Variants in ANGPTL7 observed in about 807,000 individuals in gnomAD.
The protein encoded by ANGPTL7 is angiopoietin like 7, also known as angiopoietin-related protein 7.
Under a neutral mutation model 38.8 loss-of-function variants are expected in ANGPTL7, and 37 were observed. That is an observed-to-expected ratio of 0.95 (90% confidence interval 0.73 to 1.25). The LOEUF (loss-of-function observed/expected upper bound fraction) is 1.25. Ranked by LOEUF, ANGPTL7 falls within the 50% of genes most tolerant of loss-of-function variation. The pLI is 0.00. For missense variants in ANGPTL7, 427 were observed against 438.6 expected (o/e 0.97, Z 0.24); for synonymous variants, 166 against 163.2 (o/e 1.02, Z -0.13).
At chr1:11,193,070 T>G (rs1557826726) in intron 2 of ANGPTL7, among the ~76,000 whole-genome samples, 1 of 152,016 alleles carries the variant, frequency 6.6e-6, no homozygotes, top group Non-Finnish European at 1.5e-5. Context: ...CCCAAGTTTT[T>G]TGGGAGGTGA....
Position 11,192,347 on chromosome 1 carries a change from T to G in ANGPTL7, c.454T>G (p.Phe152Val), listed in dbSNP as rs138532214. Residue 152 changes from phenylalanine to valine, a missense_variant, in exon 2 of 5, where the codon TTC becomes GTC. Physicochemically the swap from Phe to Val is conservative, Grantham distance 50 (BLOSUM62 -1). Transcript: ENST00000376819. ...AGTGTATAAGCTTCCTCCTGATGAC[T>G]TCCTGGGCAGCCCTGAACTGGAGGT... ...SGVYKLPPDD[F>V]LGSPELEVFC... 1.5e-4 allele frequency: 243 copies of G among 1,613,774 alleles called. No individual in the cohort carries two copies. The highest frequency in any genetic ancestry group is 2.0e-4 in the Non-Finnish European group (237 of 1,179,852).
Position 11,194,836 on chromosome 1 carries a change from G to T in ANGPTL7, c.872-18G>T. 7 of 1,613,436 alleles carry T rather than the reference G, an allele frequency of 4.3e-6. No homozygotes were observed. Among genetic ancestry groups the T allele is most frequent in the Non-Finnish European group, 5.9e-6 (7 of 1,179,658 alleles). On this transcript the variant is annotated intron_variant, in intron 4 of 4. Coordinates refer to ENST00000376819, the MANE Select transcript of ANGPTL7 (RefSeq NM_021146.4). Reference sequence around the variant, plus strand: ...ATCACAGTCAACTTACTAGCACTGGGTCTGTTTCTCATGCCAGGTGGCTAC... The same window carrying T: ...ATCACAGTCAACTTACTAGCACTGGTTCTGTTTCTCATGCCAGGTGGCTAC...
Position 11,194,481 on chromosome 1 carries a change from C to T in ANGPTL7, c.693C>T (p.Arg231=), listed in dbSNP as rs773214289. 13 of 1,614,128 alleles carry T rather than the reference C, an allele frequency of 8.1e-6. No homozygotes were observed. Among genetic ancestry groups the T allele is most frequent in the Non-Finnish European group, 9.3e-6 (11 of 1,180,038 alleles). Residue 231 remains arginine (R), a synonymous_variant, in exon 4 of 5, where the codon CGC becomes CGT. Transcript: ENST00000376819. ...VEMEDWEGNL[R]YAEYSHFVLG... is the part of the protein sequence containing the mutation. The stretch of plus-strand genomic sequence containing the variant: ...GACAGGACTGGGAGGGCAACCTGCG[C>T]TACGCTGAGTATAGCCACTTTGTTT...
At chr1:11,194,331 A>G in intron 3 of ANGPTL7, 130 bp from the exon 4 acceptor site, 1 of 867,256 alleles carries the variant, frequency 1.2e-6, no homozygotes, top group South Asian at 1.6e-5. Flanking sequence ...GTAAACAAGT[A>G]ATAAAGTCTT....
At chr1:11,193,048 C>G (rs779480586) in intron 2 of ANGPTL7, among the ~76,000 whole-genome samples, 1 of 152,142 alleles carries the variant, frequency 6.6e-6, no homozygotes, top group Non-Finnish European at 1.5e-5. Flanking sequence ...CATGGTGGCT[C>G]ACACCTGTAA....
Position 11,194,548 on chromosome 1 carries a change from T to G in ANGPTL7, c.760T>G (p.Tyr254Asp). The G allele has an allele frequency of 1.2e-6, 2 of 1,614,160 alleles. No homozygotes were observed. Among genetic ancestry groups the G allele is most frequent in the Non-Finnish European group, 1.7e-6 (2 of 1,180,034 alleles). Reference protein sequence around the residue: ...LNSYRLFLGNYTGNVGNDALQ... With the variant: ...LNSYRLFLGNDTGNVGNDALQ... Reference sequence around the variant, plus strand: ...CAGCTATCGCCTCTTCCTGGGGAACTACACTGGCAATGTGGGGAACGACGC... The same window carrying G: ...CAGCTATCGCCTCTTCCTGGGGAACGACACTGGCAATGTGGGGAACGACGC... Residue 254 changes from tyrosine to aspartate, a missense_variant, in exon 4 of 5, where the codon TAC becomes GAC. By Grantham distance (160) the Tyr-to-Asp change is radical (BLOSUM62 -3). Coordinates refer to ENST00000376819, the MANE Select transcript of ANGPTL7 (RefSeq NM_021146.4).
intron 2 of ANGPTL7, 82 bp downstream of exon 2, chr1:11,192,452 C>A: frequency 1.6e-6 from 2 of 1,231,106 alleles, no homozygotes; most frequent in Non-Finnish European, 2.4e-6. Context: ...GGGCCATTCA[C>A]AGTTTAAAGA....
chr1:11,193,428 GGGCAGCATCACT>G, intron 2 of ANGPTL7, 140 bp from the exon 3 acceptor site: 1 of 669,834 alleles, frequency 1.5e-6, no homozygotes, highest in Non-Finnish European at 2.4e-6. Context: ...ACCAGCAGTG[GGGCAGCATCACT>G]GCCCGAGTGA....
chr1:11,194,639 A>G lies in ANGPTL7; in HGVS notation c.851A>G (p.Lys284Arg). ...AAGGACAATGACAACTGCTTGGACAAGTGTGCACAGCTCCGCAAAGGTGAG... is the reference window on the plus strand; with the variant it reads ...AAGGACAATGACAACTGCTTGGACAGGTGTGCACAGCTCCGCAAAGGTGAG... ...KDKDNDNCLDKCAQLRKGGYW... is the reference protein window; with the variant it reads ...KDKDNDNCLDRCAQLRKGGYW... Residue 284 changes from lysine to arginine, a missense_variant, in exon 4 of 5, where the codon AAG (lysine) becomes AGG (arginine). Transcript: ENST00000376819. The G allele has an allele frequency of 6.2e-7, 1 of 1,614,228 alleles. No homozygotes were observed. Among genetic ancestry groups the G allele is most frequent in the South Asian group, 1.1e-5 (1 of 91,088 alleles).
rs1050485624 is a variant in ANGPTL7, at chr1:11,189,717, T to C, written c.138T>C (p.Cys46=). Residue 46 remains cysteine (C), a synonymous_variant, in exon 1 of 5, where the codon TGT becomes TGC. Transcript: ENST00000376819. The part of the protein sequence containing the change: ...AQPQLKAANC[C]EEVKELKAQV... ...CACAGCTCAAAGCGGCCAACTGCTG[T>C]GAGGAGGTGAAGGAGCTCAAGGCCC... The C allele has an allele frequency of 6.2e-7, 1 of 1,613,986 alleles. No individual in the cohort carries two copies. Among genetic ancestry groups the C allele is most frequent in the Non-Finnish European group, 8.5e-7 (1 of 1,179,986 alleles).
In ANGPTL7 at chr1:11,189,735, C is replaced by A; in HGVS notation, c.156C>A (p.Leu52=). ...ACTGCTGTGAGGAGGTGAAGGAGCT[C>A]AAGGCCCAAGTTGCCAACCTTAGCA... ...AANCCEEVKE[L]KAQVANLSSL... Residue 52 remains leucine, a synonymous_variant, in exon 1 of 5, where the codon CTC becomes CTA. Coordinates refer to ENST00000376819, the MANE Select transcript of ANGPTL7 (RefSeq NM_021146.4). 1.2e-6 allele frequency: 2 copies of A among 1,614,156 alleles called. No homozygotes were observed. The highest frequency in any genetic ancestry group is 1.7e-6 in the Non-Finnish European group (2 of 1,180,006).
chr1:11,194,187 C>T (rs1312303144), intron 3 of ANGPTL7, among the ~76,000 whole-genome samples: 7 of 152,102 alleles, frequency 4.6e-5, no homozygotes, highest in Non-Finnish European at 8.8e-5. Context: ...TGGGATTCAG[C>T]AAAAACATAG....
intron 2 of ANGPTL7, 79 bp downstream of exon 2, chr1:11,192,449 TCA>T: frequency 1.6e-6 from 2 of 1,255,764 alleles, no homozygotes; most frequent in Non-Finnish European, 2.3e-6. Context: ...ACAGGGCCAT[TCA>T]CAGTTTAAAG....
At chr1:11,194,747 T>G (rs1439969448) in intron 4 of ANGPTL7, 88 bp downstream of exon 4, 19 of 1,599,996 alleles carry the variant, frequency 1.2e-5, no homozygotes, top group Non-Finnish European at 1.3e-5. Context: ...AACTGTACAG[T>G]TGATATTCCG....
intron 4 of ANGPTL7, 35 bp downstream of exon 4, chr1:11,194,694 G>T (rs1329215150): frequency 1.2e-6 from 2 of 1,613,180 alleles, no homozygotes; most frequent in South Asian, 2.2e-5. Context: ...GAGAAGTTCA[G>T]GTACAAGCTC....
At position 11,192,370 on chromosome 1, in the gene ANGPTL7, G is replaced by A. The variant is rs752886216; in HGVS notation, c.477G>A (p.Glu159=). The A allele has an allele frequency of 6.2e-7, 1 of 1,608,482 alleles. No individual in the cohort carries two copies. Among genetic ancestry groups the A allele is most frequent in the Non-Finnish European group, 8.5e-7 (1 of 1,175,090 alleles). Residue 159 remains glutamate, a splice_region_variant and synonymous_variant, in exon 2 of 5, where the codon GAG becomes GAA. Transcript: ENST00000376819. ...PDDFLGSPEL[E]VFCDMETSGG... is the part of the protein sequence containing the mutation. ...ACTTCCTGGGCAGCCCTGAACTGGAGGTGAGGTCATTACAGTCACTGGCCA... is the reference window on the plus strand; with the variant it reads ...ACTTCCTGGGCAGCCCTGAACTGGAAGTGAGGTCATTACAGTCACTGGCCA...
intron 1 of ANGPTL7, 122 bp downstream of exon 1, chr1:11,190,077 T>C (rs1645469485): frequency 6.0e-6 from 7 of 1,164,870 alleles, no homozygotes; most frequent in Non-Finnish European, 8.4e-6. Flanking sequence ...TTCCCTTTAG[T>C]AAAGGCTTAT....
At chr1:11,193,928 T>C (rs1404185654) in intron 3 of ANGPTL7, among the ~76,000 whole-genome samples, 154 bp downstream of exon 3, 4 of 127,856 alleles carry the variant, frequency 3.1e-5, no homozygotes, top group Non-Finnish European at 4.8e-5. Flanking sequence ...TGAGGAAAAA[T>C]AGGTATTTTT....
At position 11,192,250 on chromosome 1, in the gene ANGPTL7, TG is replaced by T; in HGVS notation, c.377-19del. 2 of 1,566,836 alleles carry T rather than the reference TG, an allele frequency of 1.3e-6. No individual in the cohort carries two copies. Among genetic ancestry groups the T allele is most frequent in the Non-Finnish European group, 1.8e-6 (2 of 1,137,426 alleles). ...AGCCACTGGGTCTAAATGCTCACCC[TG>T]TGGTTTGTTCTCTTGTAGATGCCAT... On this transcript the variant is annotated intron_variant, in intron 1 of 4. Coordinates refer to ENST00000376819, the MANE Select transcript of ANGPTL7 (RefSeq NM_021146.4).
Sources: allele counts gnomAD v4.1 joint callset (sites outside exome capture counted in the v4.1 genomes callset), GRCh38; gene constraint gnomAD v4.1.1; transcripts MANE v1.5; gene names NCBI Gene and HGNC (gene_info 2026-07-23, HGNC 2026-07-21).